RBKS: variants seen among roughly 807,000 people sequenced by gnomAD.
RBKS encodes the protein ribokinase.
In RBKS, 33 loss-of-function variants were observed where a neutral mutation model predicts 33.9. That is an observed-to-expected ratio of 0.97 (90% CI 0.74 to 1.30). The LOEUF (loss-of-function observed/expected upper bound fraction) is 1.30. Ranked by LOEUF, RBKS falls within the 50% of genes most tolerant of loss-of-function variation. The pLI is 0.00. For synonymous variants in RBKS, 125 were observed against 143.0 expected, an observed-to-expected ratio of 0.87 and a Z score of 0.90; for missense variants, 361 against 392.6, an observed-to-expected ratio of 0.92 and a Z score of 0.68.
chr2:27,825,323 G>T (rs1222115980), intron 7 of RBKS, among the ~76,000 whole-genome samples: 5 of 152,044 alleles, frequency 3.3e-5, no homozygotes, highest in Admixed American at 2.0e-4. Context: ...TTATGACTAT[G>T]CATTTATAGC....
intron 1 of RBKS, among the ~76,000 whole-genome samples, chr2:27,876,153 T>G (rs1383421980): frequency 6.6e-6 from 1 of 152,172 alleles, no homozygotes; most frequent in African/African-American, 2.4e-5. Flanking sequence ...TCAAAAGAAC[T>G]GAAAACAGGG....
At chr2:27,826,586 T>G (rs778382302) in intron 7 of RBKS, among the ~76,000 whole-genome samples, 15 of 152,062 alleles carry the variant, frequency 9.9e-5, no homozygotes, top group Non-Finnish European at 2.1e-4. Context: ...GTTTTGTATC[T>G]TTAGTAGAAT....
intron 7 of RBKS, among the ~76,000 whole-genome samples, chr2:27,802,472 TA>T (rs939113584): frequency 6.6e-6 from 1 of 151,686 alleles, no homozygotes; most frequent in African/African-American, 2.4e-5. Context: ...GTACGTGGTA[TA>T]AAAATTTCAC....
chr2:27,875,820 C>T (rs1664303644), intron 1 of RBKS, among the ~76,000 whole-genome samples: 1 of 152,122 alleles, frequency 6.6e-6, no homozygotes, highest in Non-Finnish European at 1.5e-5. Flanking sequence ...TACTGAGCTC[C>T]TTGCCTGTAC....
intron 2 of RBKS, among the ~76,000 whole-genome samples, chr2:27,856,773 A>G (rs1174889473): frequency 6.6e-6 from 1 of 152,162 alleles, no homozygotes; most frequent in Non-Finnish European, 1.5e-5. Flanking sequence ...ACAGGAAATT[A>G]TATCATCCTC....
intron 3 of RBKS, 55 bp downstream of exon 3, chr2:27,847,979 C>G: frequency 9.7e-7 from 1 of 1,034,162 alleles, no homozygotes; most frequent in East Asian, 2.6e-5. Flanking sequence ...TTTCTCATAA[C>G]AAAATCACAG....
chr2:27,865,663 C>G (rs2148223393), intron 1 of RBKS, among the ~76,000 whole-genome samples: 1 of 146,032 alleles, frequency 6.8e-6, no homozygotes, highest in South Asian at 2.3e-4. Flanking sequence ...AGCCTCCTAC[C>G]TTGGCCTCTC....
intron 2 of RBKS, among the ~76,000 whole-genome samples, chr2:27,851,818 C>A (rs762018892): frequency 6.6e-6 from 1 of 152,044 alleles, no homozygotes. Flanking sequence ...GGATTACAGG[C>A]GTGAGCCACC....
chr2:27,884,686 C>T (rs1664491735), intron 1 of RBKS, among the ~76,000 whole-genome samples: 2 of 152,140 alleles, frequency 1.3e-5, no homozygotes, highest in Admixed American at 1.3e-4. Context: ...CAGGATTAAG[C>T]TTAGATGCTT....
rs370831016 is a variant in RBKS at position 27,890,318 on chromosome 2, G to A, written c.28C>T (p.Gln10Ter). 4 of 1,613,642 alleles carry A rather than the reference G, an allele frequency of 2.5e-6. No homozygotes were observed. The highest frequency in any genetic ancestry group is 2.7e-5 in the African/African-American group (2 of 74,936). Residue 10 changes from glutamine to a stop codon, truncating the protein, a stop_gained, in exon 1 of 8, where the codon CAG (glutamine) becomes TAG (stop). Coordinates refer to ENST00000302188, the MANE Select transcript of RBKS (RefSeq NM_022128.3). LOFTEE classifies it high-confidence loss of function. This position sits in a 1 kb window ranked among gnomAD's most constrained non-coding sequence, Gnocchi z 4.8. ...ACCGCCGCCACCTCCTCTTGCCACT[G>A]CCTCTGGGGTTCCCCAGACGCCGCC... is the stretch of plus-strand genomic sequence containing the variant. MAASGEPQR[Q>*]WQEEVAAVVV...
At chr2:27,857,053 T>C (rs1013135673) in intron 2 of RBKS, among the ~76,000 whole-genome samples, 1 of 152,236 alleles carries the variant, frequency 6.6e-6, no homozygotes, top group African/African-American at 2.4e-5. Context: ...GTGAAAATTA[T>C]GTTAATCATA....
rs1663635410 is a variant in RBKS at position 27,847,058 on chromosome 2, T to C, written c.333A>G (p.Ile111Met). ...TKDAATGTAS[I>M]IVNNEGQNII... is the part of the protein sequence containing the mutation. The stretch of plus-strand genomic sequence containing the variant: ...AACACTTACCTTCATTATTGACAAT[T>C]ATAGAAGCAGTTCCTGTAGCAGCAT... The change falls in exon 4 of 8, where the codon ATA becomes ATG. Residue 111 changes from isoleucine to methionine, a missense_variant. Transcript: ENST00000302188. 1.9e-6 allele frequency: 3 copies of C among 1,606,114 alleles called. No homozygotes were observed. The highest frequency in any genetic ancestry group is 4.5e-5 in the East Asian group (2 of 44,730).
intron 7 of RBKS, among the ~76,000 whole-genome samples, chr2:27,822,457 C>A (rs1678230495): frequency 6.6e-6 from 1 of 152,182 alleles, no homozygotes; most frequent in African/African-American, 2.4e-5. Context: ...CCATTAACCC[C>A]ATCCTTGAGA....
At chr2:27,805,601 G>T (rs1427967416) in intron 7 of RBKS, among the ~76,000 whole-genome samples, 5 of 152,110 alleles carry the variant, frequency 3.3e-5, no homozygotes, top group African/African-American at 4.8e-5. Flanking sequence ...TTGAGACTGA[G>T]TCTCACTCTG....
At chr2:27,885,158 C>T (rs1269946093) in intron 1 of RBKS, among the ~76,000 whole-genome samples, 1 of 152,070 alleles carries the variant, frequency 6.6e-6, no homozygotes, top group Admixed American at 6.6e-5. Context: ...CAATCTTCTG[C>T]GTTTTCATAG....
At chr2:27,855,364 C>T (rs1663836458) in intron 2 of RBKS, among the ~76,000 whole-genome samples, 1 of 152,206 alleles carries the variant, frequency 6.6e-6, no homozygotes, top group Non-Finnish European at 1.5e-5. Context: ...TGACCTGGGT[C>T]ATTTGGGTTC....
At chr2:27,814,734 T>C (rs1678055337) in intron 7 of RBKS, among the ~76,000 whole-genome samples, 1 of 152,218 alleles carries the variant, frequency 6.6e-6, no homozygotes, top group African/African-American at 2.4e-5. Context: ...TTTCAGTTTT[T>C]AGAGCATCTC....
intron 5 of RBKS, among the ~76,000 whole-genome samples, chr2:27,841,074 T>TA (rs1351963142): frequency 1.4e-4 from 22 of 152,184 alleles, no homozygotes; most frequent in Non-Finnish European, 1.5e-5. Flanking sequence ...CACTGTCACC[T>TA]ACCCCGCTTC....
intron 1 of RBKS, among the ~76,000 whole-genome samples, chr2:27,883,367 T>TATGCCACCACGCCCAGCTAAAAA (rs1289650625): frequency 2.6e-5 from 4 of 151,928 alleles, no homozygotes; most frequent in African/African-American, 9.7e-5. Context: ...GCCCAGCTAG[T>TATGCCACCACGCCCAGCTAAAAA]TGTTTGCATT....
Sources: gnomAD v4.1 joint callset for allele counts (sites outside exome capture counted in the v4.1 genomes callset) on GRCh38, gnomAD v4.1.1 for gene constraint, Gnocchi (gnomAD v3.1) non-coding constraint, MANE v1.5 for transcripts, NCBI Gene and HGNC (gene_info 2026-07-23, HGNC 2026-07-21) for gene names.